The following PCDHA6 variants were observed in gnomAD, a reference collection of about 807,000 sequenced individuals.
The protein encoded by PCDHA6 is protocadherin alpha 6, also known as protocadherin alpha-6.
Under a neutral mutation model 60.3 loss-of-function variants are expected in PCDHA6, and 55 were observed. That is an observed-to-expected ratio of 0.91 (90% CI 0.73 to 1.14). The LOEUF is 1.14. PCDHA6 is among the 50% of genes most tolerant of loss of function. PCDHA6 has a pLI of 0.00. For synonymous variants in PCDHA6, 652 were observed against 557.9 expected (o/e 1.17, Z -2.38); for missense variants, 1,327 against 1,256.5 (o/e 1.06, Z -0.85).
At chr5:140,935,732 A>G (rs933243274) in intron 1 of PCDHA6, among the ~76,000 whole-genome samples, 3 of 152,212 alleles carry the variant, frequency 2.0e-5, no homozygotes, top group African/African-American at 4.8e-5. Flanking sequence ...GAAGTCTAGT[A>G]TCTATTATTC....
rs2150443842 is a variant in PCDHA6 at position 140,849,644 on chromosome 5, G to A, written c.2394+19159G>A. 141 of 1,598,706 alleles carry A rather than the reference G, an allele frequency of 8.8e-5. 10 individuals are homozygous for A. In the East Asian group the frequency reaches 1.0e-3, roughly 12 times the overall value. ...TCGACCTAGACGCAGATGCCAACGG[G>A]CAGGTTACCTGCTCCCTGACGCCCC... On this transcript the variant is annotated intron_variant, in intron 1 of 3. Coordinates refer to ENST00000529310, the MANE Select transcript of PCDHA6 (RefSeq NM_018909.4).
chr5:140,863,024 C>G (rs563115859), intron 1 of PCDHA6: 7 of 555,234 alleles, frequency 1.3e-5, no homozygotes, highest in Non-Finnish European at 2.1e-5. Flanking sequence ...CTGGTTGTCG[C>G]AACAGCTGCA....
intron 1 of PCDHA6, among the ~76,000 whole-genome samples, chr5:140,885,154 T>C (rs1483016887): frequency 2.0e-5 from 3 of 152,168 alleles, no homozygotes; most frequent in African/African-American, 7.2e-5. Context: ...GTTTTGATTG[T>C]CTCTACTTTT....
In PCDHA6 at chr5:140,829,902, A is replaced by T. The variant is rs2150177390; in HGVS notation, c.1811A>T (p.Asn604Ile). Reference sequence around the variant, plus strand: ...GCAGTTGACGCCGACTCAGGCTACAACGCGTGGCTTTCGTATGAGCTGCAG... The same window carrying T: ...GCAGTTGACGCCGACTCAGGCTACATCGCGTGGCTTTCGTATGAGCTGCAG... Reference protein sequence around the residue: ...VRAVDADSGYNAWLSYELQPP... With the variant: ...VRAVDADSGYIAWLSYELQPP... Residue 604 changes from asparagine (N) to isoleucine (I), a missense_variant, in exon 1 of 4, where the codon AAC (asparagine) becomes ATC (isoleucine). Transcript: ENST00000529310. The T allele has an allele frequency of 6.2e-7, 1 of 1,613,948 alleles. No homozygotes were observed. Among genetic ancestry groups the T allele is most frequent in the Non-Finnish European group, 8.5e-7 (1 of 1,179,902 alleles).
intron 1 of PCDHA6, chr5:140,968,708 A>G: frequency 1.2e-6 from 2 of 1,614,126 alleles, no homozygotes; most frequent in Non-Finnish European, 1.7e-6. Flanking sequence ...TACCAGGAAG[A>G]TGGGAGATGA....
rs1256461262 is a variant in PCDHA6, at chr5:140,982,640, A to T, written c.2542+77A>T. On this transcript the variant is annotated intron_variant, in intron 3 of 3. Transcript: ENST00000529310. ...ATGACCTACTTTTGTAAGATCAGGA[A>T]TGTTGATGGCTCTTTTTCTTTTATA... 3 of 1,544,442 alleles carry T rather than the reference A, an allele frequency of 1.9e-6. No individual in the cohort carries two copies. The African/African-American group carries it at 4.2e-5, about 21-fold the overall frequency.
At chr5:140,929,679 G>A (rs142104946) in intron 1 of PCDHA6, 4 of 303,052 alleles carry the variant, frequency 1.3e-5, no homozygotes, top group African/African-American at 2.2e-5. Context: ...TGAAAAATAT[G>A]TAAGAGTCTG....
chr5:140,883,622 G>A, intron 1 of PCDHA6: 4 of 1,614,004 alleles, frequency 2.5e-6, no homozygotes, highest in Non-Finnish European at 3.4e-6. Context: ...GAACGACAAC[G>A]CGCCGGCGTT....
chr5:140,848,947 G>T lies in PCDHA6; in HGVS notation c.2394+18462G>T, dbSNP rs201305186. ...GCGGAATCCAGGCCGCTTGACTCTC[G>T]GTTTCCACTAGAGGGCGCGTCCGAT... is the stretch of plus-strand genomic sequence containing the variant. On this transcript the variant is annotated intron_variant, in intron 1 of 3. Coordinates refer to ENST00000529310, the MANE Select transcript of PCDHA6 (RefSeq NM_018909.4). 2.7e-4 allele frequency: 426 copies of T among 1,606,834 alleles called. 2 individuals are homozygous for T. The highest frequency in any genetic ancestry group is 3.5e-4 in the Non-Finnish European group (408 of 1,176,678).
rs1439259875 is a variant in PCDHA6 at position 141,011,882 on chromosome 5, GATTA to G, written c.*1950_*1953del. On this transcript the variant is annotated 3_prime_UTR_variant, in exon 4 of 4. Coordinates refer to ENST00000529310, the MANE Select transcript of PCDHA6 (RefSeq NM_018909.4). ...GTTATAATGTACAATTTAGAAGTTTGATTAATTATATTATCTATTTAGGCATTAA... is the reference window on the plus strand; with the variant it reads ...GTTATAATGTACAATTTAGAAGTTTGATTATATTATCTATTTAGGCATTAA... 2.0e-5 allele frequency: 3 copies of G among 153,360 alleles called. No homozygotes were observed. Among genetic ancestry groups the G allele is most frequent in the Non-Finnish European group, 4.4e-5 (3 of 68,010 alleles). 9.5% of individuals were successfully genotyped at this position (153,360 alleles called of 1,614,324 possible).
intron 2 of PCDHA6, among the ~76,000 whole-genome samples, chr5:140,980,840 A>G (rs1248070793): frequency 1.3e-5 from 2 of 152,200 alleles, no homozygotes; most frequent in African/African-American, 4.8e-5. Context: ...GAACCTAAAT[A>G]ATACTAATCT....
At chr5:140,960,743 G>A (rs1328860955) in intron 1 of PCDHA6, among the ~76,000 whole-genome samples, 3 of 151,482 alleles carry the variant, frequency 2.0e-5, no homozygotes, top group Non-Finnish European at 4.4e-5. Flanking sequence ...TTTAGTCCAT[G>A]GCTAAAATCC....
At chr5:140,832,176 A>G (rs1421267980) in intron 1 of PCDHA6, among the ~76,000 whole-genome samples, 1 of 152,234 alleles carries the variant, frequency 6.6e-6, no homozygotes, top group African/African-American at 2.4e-5. Flanking sequence ...AGTTTTATGA[A>G]TTCAAAAGAC....
intron 1 of PCDHA6, among the ~76,000 whole-genome samples, chr5:140,891,848 C>T (rs2063280221): frequency 6.6e-6 from 1 of 152,158 alleles, no homozygotes; most frequent in East Asian, 1.9e-4. Flanking sequence ...ATGGAAGGAG[C>T]CTGTCCCTCT....
chr5:140,831,464 A>G (rs1771535057), intron 1 of PCDHA6, among the ~76,000 whole-genome samples: 1 of 132,286 alleles, frequency 7.6e-6, no homozygotes, highest in Admixed American at 7.7e-5. Flanking sequence ...GGCTCAAGTG[A>G]TTCTCTCACC....
chr5:140,938,166 G>A (rs2091953104), intron 1 of PCDHA6, among the ~76,000 whole-genome samples: 2 of 151,980 alleles, frequency 1.3e-5, no homozygotes, highest in South Asian at 4.1e-4. Flanking sequence ...GGCTAGTCTG[G>A]AGCTCCTGGG....
intron 1 of PCDHA6, among the ~76,000 whole-genome samples, chr5:140,915,458 G>A (rs1172885235): frequency 6.6e-6 from 1 of 152,126 alleles, no homozygotes; most frequent in Non-Finnish European, 1.5e-5. Context: ...TTTCCAGAAG[G>A]TTTTTATTTG....
At chr5:140,993,777 G>A (rs1397168086) in intron 3 of PCDHA6, among the ~76,000 whole-genome samples, 1 of 152,042 alleles carries the variant, frequency 6.6e-6, no homozygotes, top group Non-Finnish European at 1.5e-5. Flanking sequence ...GCAGTATTTT[G>A]TACAGTAACA....
chr5:140,885,283 T>C (rs1326439795), intron 1 of PCDHA6, among the ~76,000 whole-genome samples: 2 of 152,298 alleles, frequency 1.3e-5, no homozygotes, highest in Admixed American at 6.5e-5. Context: ...TATATACATA[T>C]ATAGAGAGAG....
Sources: gnomAD v4.1 joint callset for allele counts (sites outside exome capture counted in the v4.1 genomes callset) on GRCh38, gnomAD v4.1.1 for gene constraint, MANE v1.5 for transcripts, NCBI Gene and HGNC (gene_info 2026-07-23, HGNC 2026-07-21) for gene names.